Variants in MAEL observed in about 807,000 individuals in gnomAD.
MAEL encodes maelstrom spermatogenic transposon silencer.
In MAEL, 46 loss-of-function variants were observed where a neutral mutation model predicts 62.0. The ratio of observed to expected loss-of-function variants is 0.74; its 90% confidence interval spans 0.59 to 0.95. MAEL has a LOEUF of 0.95. Among genes scored for constraint, MAEL ranks in the 40% least tolerant of loss-of-function variants. MAEL has a pLI of 0.00. For missense variants in MAEL, 497 were observed against 526.8 expected, an observed-to-expected ratio of 0.94 and a Z score of 0.55; for synonymous variants, 172 against 175.5, an observed-to-expected ratio of 0.98 and a Z score of 0.16.
At chr1:167,018,497 G>C (rs1665488581) in intron 10 of MAEL, among the ~76,000 whole-genome samples, 1 of 151,944 alleles carries the variant, frequency 6.6e-6, no homozygotes, top group Non-Finnish European at 1.5e-5. Flanking sequence ...CACAATACTT[G>C]AACTGTCTGT....
At chr1:167,018,953 T>G (rs933629084) in intron 10 of MAEL, among the ~76,000 whole-genome samples, 5 of 152,152 alleles carry the variant, frequency 3.3e-5, no homozygotes, top group Admixed American at 6.5e-5. Flanking sequence ...GTACATACAT[T>G]AAACTTCATA....
chr1:167,001,682 G>T (rs889250122), intron 5 of MAEL, among the ~76,000 whole-genome samples: 1 of 152,178 alleles, frequency 6.6e-6, no homozygotes, highest in Non-Finnish European at 1.5e-5. Context: ...GCATCTCCAA[G>T]ATATGTTTAT....
upstream of MAEL, among the ~76,000 whole-genome samples, chr1:166,988,763 T>G (rs1394811788): frequency 6.6e-6 from 1 of 152,212 alleles, no homozygotes; most frequent in East Asian, 1.9e-4. Context: ...TTAAGGATAT[T>G]TTAAATCTCA....
chr1:167,005,397 G>T lies in MAEL; in HGVS notation c.845G>T (p.Arg282Met), dbSNP rs1279876795. The change falls in exon 8 of 12, where the codon AGG becomes ATG. Residue 282 changes from arginine to methionine, a missense_variant and splice_region_variant. Physicochemically the swap from Arg to Met is moderately conservative, Grantham distance 91. Transcript: ENST00000367872. ...ATGTGGGATTATTCTAGCAACACAA[G>T]GTATTGCTAGCATTTTTGTTTTAGA... is the stretch of plus-strand genomic sequence containing the variant. ...VAMWDYSSNT[R>M]CKWHEENDIL... 15 of 1,589,734 alleles carry T rather than the reference G, an allele frequency of 9.4e-6. No individual in the cohort carries two copies. Among genetic ancestry groups the T allele is most frequent in the Non-Finnish European group, 1.3e-5 (15 of 1,169,022 alleles).
intron 5 of MAEL, among the ~76,000 whole-genome samples, chr1:166,994,998 C>A (rs1384382394): frequency 1.3e-5 from 1 of 77,420 alleles, no homozygotes. Flanking sequence ...TTTTTTTTTG[C>A]TTAGAAACGT....
chr1:167,003,408 C>CCTGATTGTTCATGGAGTATTTGGT (rs1279154302), intron 5 of MAEL, among the ~76,000 whole-genome samples: 1 of 152,048 alleles, frequency 6.6e-6, no homozygotes, highest in Admixed American at 6.6e-5. Flanking sequence ...TTATTGTGTA[C>CCTGATTGTTCATGGAGTATTTGGT]CTGATTGTTC....
chr1:166,994,212 G>T, intron 5 of MAEL, 143 bp downstream of exon 5: 1 of 687,418 alleles, frequency 1.5e-6, no homozygotes, highest in Non-Finnish European at 2.4e-6. Flanking sequence ...TGTGATAGAT[G>T]GTGTCTGTGA....
At position 166,992,674 on chromosome 1, in the gene MAEL, A is replaced by AT. The variant is rs556247489; in HGVS notation, c.326-3dup. On this transcript the variant is annotated splice_polypyrimidine_tract_variant and intron_variant, in intron 3 of 11. Coordinates refer to ENST00000367872, the MANE Select transcript of MAEL (RefSeq NM_032858.3). ...ATTCATTTATTCATTTTATCTTACAATTTTTTTTTAGCTCTCCTTGGAGGC... is the reference window on the plus strand; with the variant it reads ...ATTCATTTATTCATTTTATCTTACAATTTTTTTTTTAGCTCTCCTTGGAGGC... The AT allele has an allele frequency of 2.6e-4, 398 of 1,528,744 alleles. No individual in the cohort carries two copies. The highest frequency in any genetic ancestry group is 4.5e-4 in the Admixed American group (21 of 46,578). 94.7% of individuals were successfully genotyped at this position (1,528,744 alleles called of 1,614,324 possible).
intron 3 of MAEL, 122 bp from the exon 4 acceptor site, chr1:166,992,564 G>A (rs1354386804): frequency 1.3e-5 from 8 of 622,790 alleles, no homozygotes; most frequent in Non-Finnish European, 2.1e-5. Context: ...GCTCATTTAG[G>A]AATATAGGAA....
At chr1:167,006,386 C>G (rs903724898) in intron 8 of MAEL, among the ~76,000 whole-genome samples, 7 of 151,768 alleles carry the variant, frequency 4.6e-5, no homozygotes, top group African/African-American at 1.4e-4. Context: ...GAATGTTTCT[C>G]ACTTTTAGTT....
Position 167,021,152 on chromosome 1 carries a change from C to A in MAEL, c.1109C>A (p.Thr370Lys), listed in dbSNP as rs985148490. 2 of 1,610,758 alleles carry A rather than the reference C, an allele frequency of 1.2e-6. No individual in the cohort carries two copies. Among genetic ancestry groups the A allele is most frequent in the Non-Finnish European group, 1.7e-6 (2 of 1,177,582 alleles). Residue 370 changes from threonine to lysine, a missense_variant, in exon 11 of 12, where the codon ACA (threonine) becomes AAA (lysine). Thr to Lys is a moderately conservative substitution (Grantham distance 78). Coordinates refer to ENST00000367872, the MANE Select transcript of MAEL (RefSeq NM_032858.3). ...TCTAATGAGGAACAAAGATCAAACA[C>A]ACCCATTGGTAAGCAACTTATATTT... ...NSSNEEQRSN[T>K]PIGDYPSRAK...
chr1:166,993,124 G>A (rs568475955), intron 4 of MAEL, among the ~76,000 whole-genome samples: 1 of 152,178 alleles, frequency 6.6e-6, no homozygotes, highest in South Asian at 2.1e-4. Flanking sequence ...TTACATCTTG[G>A]GATTTTCTAA....
At position 166,989,292 on chromosome 1, in the gene MAEL, A is replaced by T. The variant is rs899215428; in HGVS notation, c.-61A>T. Reference sequence around the variant, plus strand: ...GCCTACCTCTGTTACTTAGGGCGGGAGCCCGGCGAGGGCGCCGGTGCTTTG... The same window carrying T: ...GCCTACCTCTGTTACTTAGGGCGGGTGCCCGGCGAGGGCGCCGGTGCTTTG... On this transcript the variant is annotated 5_prime_UTR_variant, in exon 1 of 12. Transcript: ENST00000367872. 5.1e-6 allele frequency: 8 copies of T among 1,557,620 alleles called. No individual in the cohort carries two copies. Among genetic ancestry groups the T allele is most frequent in the Non-Finnish European group, 7.0e-6 (8 of 1,149,944 alleles).
In MAEL at chr1:167,014,098, T is replaced by C. The variant is rs899811564; in HGVS notation, c.846-2124T>C. ...GTGACTTCTTTCCAGCTTCATCAGT[T>C]ACCATTTATTTTATTTGCCACAGAT... On this transcript the variant is annotated intron_variant, in intron 8 of 11. Coordinates refer to ENST00000367872, the MANE Select transcript of MAEL (RefSeq NM_032858.3). Among the ~76,000 whole-genome samples the C allele has an allele frequency of 4.6e-5, 7 of 152,364 alleles. No individual in the cohort carries two copies. The South Asian group carries it at 1.2e-3, about 27-fold the overall frequency.
At chr1:167,005,193 T>G (rs1664840027) in intron 7 of MAEL, 63 bp downstream of exon 7, 1 of 1,610,092 alleles carries the variant, frequency 6.2e-7, no homozygotes, top group Admixed American at 1.7e-5. Context: ...TTGTTTCCAC[T>G]TTGATATCTT....
intron 3 of MAEL, among the ~76,000 whole-genome samples, 169 bp from the exon 4 acceptor site, chr1:166,992,513 ATTTC>A (rs527530640): frequency 6.8e-4 from 103 of 152,236 alleles, no homozygotes; most frequent in Non-Finnish European, 1.1e-3. Context: ...AAGAATTTTG[ATTTC>A]TTTATTTGGT....
At chr1:167,016,077 T>G (rs906887034) in intron 8 of MAEL, 145 bp from the exon 9 acceptor site, 2 of 721,090 alleles carry the variant, frequency 2.8e-6, no homozygotes, top group Non-Finnish European at 4.9e-6. Context: ...TAAAATCTGT[T>G]TTTTAAAAAT....
At chr1:166,978,620 T>G (rs895871210) in intron 1 of MAEL, among the ~76,000 whole-genome samples, 2 of 152,174 alleles carry the variant, frequency 1.3e-5, no homozygotes, top group African/African-American at 4.8e-5. Flanking sequence ...AGCCCATAAA[T>G]CTGCAGTTTA....
chr1:166,996,573 G>A (rs1047409707), intron 5 of MAEL, among the ~76,000 whole-genome samples: 11 of 152,272 alleles, frequency 7.2e-5, no homozygotes, highest in African/African-American at 2.4e-4. Context: ...GCACCCACAA[G>A]TCAACTGAAA....
Sources: gnomAD v4.1 joint callset for allele counts (sites outside exome capture counted in the v4.1 genomes callset) on GRCh38, gnomAD v4.1.1 for gene constraint, MANE v1.5 for transcripts, NCBI Gene and HGNC (gene_info 2026-07-23, HGNC 2026-07-21) for gene names.